SACS: variants seen among roughly 807,000 people sequenced by gnomAD.
The protein encoded by SACS is sacsin molecular chaperone.
In SACS, 197 loss-of-function variants were observed where a neutral mutation model predicts 348.0. That is an observed-to-expected ratio of 0.57 (90% CI 0.50 to 0.64). SACS has a LOEUF of 0.64. Among genes scored for constraint, SACS ranks in the 30% least tolerant of loss-of-function variants. The probability of loss-of-function intolerance (pLI) is 0.00; values close to 1 mark genes in which losing one functional copy is unlikely to be tolerated. For synonymous variants in SACS, 1,985 were observed against 1,910.6 expected, an observed-to-expected ratio of 1.04 and a Z score of -1.02; for missense variants, 4,999 against 5,360.8, an observed-to-expected ratio of 0.93 and a Z score of 2.11.
intron 4 of SACS, 67 bp from the exon 5 acceptor site, chr13:23,368,554 C>T (rs777900445): frequency 5.4e-6 from 6 of 1,110,240 alleles, no homozygotes; most frequent in Non-Finnish European, 8.2e-6. Flanking sequence ...CAATGTGTGA[C>T]TTGAATCTGA....
intron 4 of SACS, among the ~76,000 whole-genome samples, chr13:23,368,908 C>T (rs577854802): frequency 1.3e-5 from 2 of 152,058 alleles, no homozygotes; most frequent in East Asian, 1.9e-4. Context: ...ACCATGTTAG[C>T]CAGGATGGTC....
At position 23,329,672 on chromosome 13, in the gene SACS, T is replaced by C. The variant is rs1196184517; in HGVS notation, c.*464A>G. 1.3e-5 allele frequency: 7 copies of C among 525,554 alleles called. No homozygotes were observed. The East Asian group carries it at 2.2e-4, about 16-fold the overall frequency. 32.6% of individuals were successfully genotyped at this position (525,554 alleles called of 1,614,324 possible). A position where few individuals can be genotyped will look rare whatever the true frequency, so the allele number is the denominator to read the frequency against. On this transcript the variant is annotated 3_prime_UTR_variant, in exon 10 of 10. Transcript: ENST00000382292. ...TGATCAGAGCCAGCTGATGAGAAAATAACGCATCCAAGAGGATCCACTTAA... is the reference window on the plus strand; with the variant it reads ...TGATCAGAGCCAGCTGATGAGAAAACAACGCATCCAAGAGGATCCACTTAA...
chr13:23,350,761 A>C (rs1220589688), intron 9 of SACS, among the ~76,000 whole-genome samples: 1 of 152,182 alleles, frequency 6.6e-6, no homozygotes, highest in East Asian at 1.9e-4. Context: ...GGGGCTCCAT[A>C]AACATAATAC....
chr13:23,405,037 T>C (rs1873145414), intron 2 of SACS, among the ~76,000 whole-genome samples: 1 of 152,214 alleles, frequency 6.6e-6, no homozygotes, highest in African/African-American at 2.4e-5. Context: ...ATTGATTTTC[T>C]TCAAATAATT....
At chr13:23,415,515 TG>T (rs796611613) in intron 1 of SACS, among the ~76,000 whole-genome samples, 33 of 152,342 alleles carry the variant, frequency 2.2e-4, no homozygotes, top group African/African-American at 7.0e-4. Flanking sequence ...ATGTATGCTG[TG>T]AGCCAATACA....
intron 9 of SACS, among the ~76,000 whole-genome samples, chr13:23,342,633 T>C (rs1869342164): frequency 6.6e-6 from 1 of 152,188 alleles, no homozygotes; most frequent in African/African-American, 2.4e-5. Flanking sequence ...ACATTTGGGG[T>C]TTCAGATTTT....
intron 9 of SACS, among the ~76,000 whole-genome samples, chr13:23,343,510 C>T (rs1052848507): frequency 6.6e-6 from 1 of 152,058 alleles, no homozygotes; most frequent in East Asian, 1.9e-4. Context: ...GATGGTGAAA[C>T]CCCATCTCTA....
At chr13:23,408,734 G>C (rs1873340574) in intron 2 of SACS, among the ~76,000 whole-genome samples, 1 of 152,078 alleles carries the variant, frequency 6.6e-6, no homozygotes, top group Non-Finnish European at 1.5e-5. Context: ...GGGAGGCCGA[G>C]GCGGGTGGAT....
At chr13:23,428,974 A>G (rs1874307117) in intron 1 of SACS, 1 of 152,214 alleles carries the variant, frequency 6.6e-6, no homozygotes, top group Non-Finnish European at 1.5e-5. Context: ...TTGTGGAGGC[A>G]GGAGACTAGA....
chr13:23,394,184 T>C (rs1368136492), intron 2 of SACS, among the ~76,000 whole-genome samples: 1 of 152,222 alleles, frequency 6.6e-6, no homozygotes, highest in Non-Finnish European at 1.5e-5. Flanking sequence ...GTGCTGGAGA[T>C]TGAGTTCCAT....
chr13:23,375,287 A>G lies in SACS; in HGVS notation c.21-18T>C, dbSNP rs2137841801. The G allele has an allele frequency of 1.4e-6, 2 of 1,434,000 alleles. No homozygotes were observed. The highest frequency in any genetic ancestry group is 3.0e-5 in the South Asian group (2 of 67,750). 88.8% of individuals were successfully genotyped at this position (1,434,000 alleles called of 1,614,324 possible). ...GGACCCACCTGTGGAAAGCAGAGGG[A>G]CGCTCAGTCGGGCTGCGGCTGCCAC... On this transcript the variant is annotated intron_variant, in intron 2 of 9. Transcript: ENST00000382292.
chr13:23,367,175 C>T (rs550790332), intron 5 of SACS, among the ~76,000 whole-genome samples: 3 of 152,184 alleles, frequency 2.0e-5, no homozygotes, highest in Non-Finnish European at 4.4e-5. Flanking sequence ...CACCTCGTAG[C>T]AATACTCTTT....
chr13:23,418,730 C>G (rs1873787268), intron 1 of SACS, among the ~76,000 whole-genome samples: 3 of 152,166 alleles, frequency 2.0e-5, no homozygotes, highest in Non-Finnish European at 4.4e-5. Flanking sequence ...GTCTCAAACT[C>G]CTGACCTCAA....
chr13:23,422,982 G>A (rs1378156884), intron 1 of SACS, among the ~76,000 whole-genome samples: 1 of 152,154 alleles, frequency 6.6e-6, no homozygotes, highest in East Asian at 1.9e-4. Flanking sequence ...AATGAAATGT[G>A]AGTTTCCATT....
intron 1 of SACS, among the ~76,000 whole-genome samples, chr13:23,415,118 G>A (rs1217876651): frequency 1.3e-5 from 2 of 151,890 alleles, no homozygotes; most frequent in Admixed American, 6.6e-5. Context: ...TGCAACTTCC[G>A]CCTCCCAGGT....
chr13:23,333,262 CT>C lies in SACS; in HGVS notation c.10613del (p.Lys3538SerfsTer8). 6.2e-7 allele frequency: 1 copy of C among 1,600,982 alleles called. No individual in the cohort carries two copies. The highest frequency in any genetic ancestry group is 8.5e-7 in the Non-Finnish European group (1 of 1,175,212). ...CTCTCACAGTTCTATCATAGAAATG[CT>C]TTGCTTGCTTTAGTCTACTGTTAGC... ...HDANSRLKQA[K>X]HFYDRTVRVF... On this transcript the variant is annotated frameshift_variant, in exon 10 of 10. Transcript: ENST00000382292. LOFTEE classifies it high-confidence loss of function.
chr13:23,375,869 C>T (rs1871773765), intron 2 of SACS, among the ~76,000 whole-genome samples: 1 of 152,200 alleles, frequency 6.6e-6, no homozygotes, highest in African/African-American at 2.4e-5. Flanking sequence ...TGCGTTGTCC[C>T]TTTTAGAGCT....
intron 1 of SACS, among the ~76,000 whole-genome samples, chr13:23,426,578 T>C (rs991175943): frequency 1.3e-5 from 2 of 149,060 alleles, no homozygotes; most frequent in Admixed American, 1.4e-4. Flanking sequence ...AGGTGGAGGT[T>C]GCAGTGAGCT....
At chr13:23,413,947 T>A (rs1873601800) in intron 1 of SACS, among the ~76,000 whole-genome samples, 1 of 152,168 alleles carries the variant, frequency 6.6e-6, no homozygotes, top group Admixed American at 6.5e-5. Context: ...TTGAAATGTT[T>A]AAAATTAAAA....
Sources: allele counts gnomAD v4.1 joint callset (sites outside exome capture counted in the v4.1 genomes callset), GRCh38; gene constraint gnomAD v4.1.1; transcripts MANE v1.5; gene names NCBI Gene and HGNC (gene_info 2026-07-23, HGNC 2026-07-21).